Variants in FOXP4 observed in about 807,000 individuals in gnomAD.
FOXP4 encodes the protein forkhead box P4, also known as forkhead box protein P4.
FOXP4 carries 25 observed loss-of-function variants against 82.6 expected under a neutral mutation model. The observed-to-expected ratio is 0.30, with a 90% CI of 0.22 to 0.42. The LOEUF is 0.42. FOXP4 is among the 10% of genes least tolerant of loss of function. The pLI, the probability that FOXP4 is intolerant of heterozygous loss-of-function variation, is 1.00. For synonymous variants in FOXP4, 415 were observed against 388.2 expected, an observed-to-expected ratio of 1.07 and a Z score of -0.81; for missense variants, 785 against 900.9, an observed-to-expected ratio of 0.87 and a Z score of 1.65.
intron 2 of FOXP4, among the ~76,000 whole-genome samples, chr6:41,576,477 T>G (rs1765494515): frequency 6.6e-6 from 1 of 152,040 alleles, no homozygotes; most frequent in Non-Finnish European, 1.5e-5. Context: ...GCCTTGAAGG[T>G]GCTTGTGGTG....
intron 2 of FOXP4, among the ~76,000 whole-genome samples, chr6:41,576,052 C>A (rs1051787785): frequency 4.6e-5 from 7 of 151,354 alleles, no homozygotes; most frequent in African/African-American, 9.7e-5. Context: ...ACCCGCAACC[C>A]CCCCCCCCAC....
intron 2 of FOXP4, among the ~76,000 whole-genome samples, chr6:41,577,306 C>T (rs1259101083): frequency 5.3e-5 from 8 of 152,196 alleles, no homozygotes; most frequent in African/African-American, 1.9e-4. Context: ...AATCCTTGAA[C>T]TCAGAAAGTC....
rs1323592316 is a variant in FOXP4 at position 41,590,354 on chromosome 6, A to G, written c.1434+7A>G. The G allele has an allele frequency of 1.6e-5, 26 of 1,613,374 alleles. No homozygotes were observed. Among genetic ancestry groups the G allele is most frequent in the Non-Finnish European group, 2.1e-5 (25 of 1,179,822 alleles). On this transcript the variant is annotated splice_region_variant and intron_variant, in intron 12 of 16. Transcript: ENST00000307972. The stretch of plus-strand genomic sequence containing the variant: ...CGCCTCCCTCATCCGCCAGGTGAGC[A>G]GGGCAGGTAGGAGGAGGGTGGGGAA...
chr6:41,567,648 C>G (rs917347228), intron 2 of FOXP4, among the ~76,000 whole-genome samples: 1 of 152,170 alleles, frequency 6.6e-6, no homozygotes, highest in African/African-American at 2.4e-5. Context: ...TGGAAAGTTT[C>G]TTTTAAAAAA....
chr6:41,547,380 C>G (rs1459494598), intron 1 of FOXP4: 1 of 152,300 alleles, frequency 6.6e-6, no homozygotes, highest in Non-Finnish European at 1.5e-5. Flanking sequence ...CTCCCCCCAA[C>G]TCTAGTCGGT....
intron 1 of FOXP4, among the ~76,000 whole-genome samples, chr6:41,564,909 G>A (rs1359663849): frequency 6.6e-6 from 1 of 152,172 alleles, no homozygotes; most frequent in Non-Finnish European, 1.5e-5. Context: ...AAGAATAATT[G>A]TTGCTTTGGA....
chr6:41,577,976 T>C lies in FOXP4; in HGVS notation c.205-10T>C, dbSNP rs1399212051. On this transcript the variant is annotated splice_polypyrimidine_tract_variant and intron_variant, in intron 2 of 16. Coordinates refer to ENST00000307972, the MANE Select transcript of FOXP4 (RefSeq NM_001012426.2). ...CCCAGGCCATTGCTGACTCAGCCCC[T>C]GTCTTGCAGGCTCTCCAAGTGGCCC... is the stretch of plus-strand genomic sequence containing the variant. 8 of 1,609,174 alleles carry C rather than the reference T, an allele frequency of 5.0e-6. No homozygotes were observed. Among genetic ancestry groups the C allele is most frequent in the Non-Finnish European group, 6.8e-6 (8 of 1,178,436 alleles).
rs748458753 is a variant in FOXP4 at position 41,565,954 on chromosome 6, A to G, written c.194A>G (p.Gln65Arg). 9 of 1,613,136 alleles carry G rather than the reference A, an allele frequency of 5.6e-6. No individual in the cohort carries two copies. Among genetic ancestry groups the G allele is most frequent in the Non-Finnish European group, 3.4e-6 (4 of 1,179,642 alleles). The change falls in exon 2 of 17, where the codon CAG becomes CGG. Residue 65 changes from glutamine (Q) to arginine (R), a missense_variant. Coordinates refer to ENST00000307972, the MANE Select transcript of FOXP4 (RefSeq NM_001012426.2). Reference protein sequence around the residue: ...EMSPAELLHFQQQQALQVARQ... With the variant: ...EMSPAELLHFRQQQALQVARQ... ...AGTCCCGCAGAGCTGCTGCACTTCCAGCAGCAACAGGTAGGAACTGGTGCG... is the reference window on the plus strand; with the variant it reads ...AGTCCCGCAGAGCTGCTGCACTTCCGGCAGCAACAGGTAGGAACTGGTGCG...
At chr6:41,554,957 A>G (rs1373073880) in intron 1 of FOXP4, among the ~76,000 whole-genome samples, 1 of 151,974 alleles carries the variant, frequency 6.6e-6, no homozygotes, top group African/African-American at 2.4e-5. Flanking sequence ...ACAGCTACTT[A>G]ATAACTGATG....
At chr6:41,586,802 G>GTGCGTGCA (rs1208250983) in intron 5 of FOXP4, among the ~76,000 whole-genome samples, 12 of 152,074 alleles carry the variant, frequency 7.9e-5, no homozygotes, top group African/African-American at 2.9e-4. Flanking sequence ...GCGTGCGTGC[G>GTGCGTGCA]TGCGTGCATG....
chr6:41,569,785 G>A lies in FOXP4; in HGVS notation c.204+3821G>A, dbSNP rs563564980. Among the ~76,000 whole-genome samples, 8 of 152,276 alleles carry A rather than the reference G, an allele frequency of 5.3e-5. No homozygotes were observed. The East Asian group carries it at 1.5e-3, about 29-fold the overall frequency. On this transcript the variant is annotated intron_variant, in intron 2 of 16. Transcript: ENST00000307972. ...GTCACGGGAGGGTTGCCTAGCGTCTGGGAACTCCCACTGCAGTTGCCGTGG... is the reference window on the plus strand; with the variant it reads ...GTCACGGGAGGGTTGCCTAGCGTCTAGGAACTCCCACTGCAGTTGCCGTGG...
In FOXP4 at chr6:41,591,379, C is replaced by G; in HGVS notation, c.1536+57C>G. 7.2e-7 allele frequency: 1 copy of G among 1,388,794 alleles called. No homozygotes were observed. The highest frequency in any genetic ancestry group is 1.0e-6 in the Non-Finnish European group (1 of 1,000,794). 86.0% of individuals were successfully genotyped at this position (1,388,794 alleles called of 1,614,324 possible). ...CAGTCACCCTTGGACCTGCCATATC[C>G]CATGGAGACCAAGGCTGCCTAACAA... On this transcript the variant is annotated intron_variant, in intron 13 of 16. Transcript: ENST00000307972. This position sits in a 1 kb window ranked among gnomAD's most constrained non-coding sequence, Gnocchi z 4.2.
intron 2 of FOXP4, among the ~76,000 whole-genome samples, chr6:41,573,594 G>A (rs1299449297): frequency 6.6e-6 from 1 of 152,106 alleles, no homozygotes; most frequent in Admixed American, 6.5e-5. Context: ...GTGGCACCAG[G>A]CAAGTGACCA....
chr6:41,581,378 C>T (rs531567663), intron 3 of FOXP4, among the ~76,000 whole-genome samples: 15 of 152,338 alleles, frequency 9.8e-5, no homozygotes, highest in African/African-American at 3.6e-4. Flanking sequence ...GACCGTCCAG[C>T]CGAGCACGCT....
At chr6:41,582,360 G>A (rs1458836323) in intron 3 of FOXP4, among the ~76,000 whole-genome samples, 1 of 152,206 alleles carries the variant, frequency 6.6e-6, no homozygotes, top group Non-Finnish European at 1.5e-5. Context: ...GCCGTGCTGG[G>A]CACATAATAA....
At chr6:41,569,929 AG>A (rs1484749379) in intron 2 of FOXP4, among the ~76,000 whole-genome samples, 1 of 151,814 alleles carries the variant, frequency 6.6e-6, no homozygotes, top group Non-Finnish European at 1.5e-5. Flanking sequence ...GGGGAATGTC[AG>A]GCAGTTGGGG....
intron 3 of FOXP4, among the ~76,000 whole-genome samples, chr6:41,579,834 A>C (rs1300986746): frequency 1.3e-5 from 2 of 152,188 alleles, no homozygotes; most frequent in African/African-American, 4.8e-5. Flanking sequence ...CTAACAACTG[A>C]CATATACAGA....
intron 1 of FOXP4, among the ~76,000 whole-genome samples, chr6:41,552,689 G>T (rs1229374513): frequency 2.6e-5 from 4 of 152,284 alleles, no homozygotes; most frequent in African/African-American, 7.2e-5. Context: ...GCAGAGAAAA[G>T]AACTGCAGCT....
chr6:41,576,430 A>G (rs1367126775), intron 2 of FOXP4, among the ~76,000 whole-genome samples: 1 of 152,108 alleles, frequency 6.6e-6, no homozygotes, highest in Non-Finnish European at 1.5e-5. Flanking sequence ...TTGAGCGATG[A>G]TGGGTGGTGC....
Sources: allele counts gnomAD v4.1 joint callset (sites outside exome capture counted in the v4.1 genomes callset), GRCh38; gene constraint gnomAD v4.1.1; non-coding constraint Gnocchi (gnomAD v3.1); transcripts MANE v1.5; gene names NCBI Gene and HGNC (gene_info 2026-07-23, HGNC 2026-07-21).